SP140L: variants seen among roughly 807,000 people sequenced by gnomAD.
SP140L encodes the protein nuclear body protein SP140-like protein.
SP140L carries 64 observed loss-of-function variants against 84.3 expected under a neutral mutation model. That is an observed-to-expected ratio of 0.76 (90% CI 0.62 to 0.94). The LOEUF (loss-of-function observed/expected upper bound fraction) is 0.94, where lower values mean the gene tolerates loss of function less well. SP140L is among the 40% of genes least tolerant of loss of function. SP140L has a pLI of 0.00. For synonymous variants in SP140L, 242 were observed against 236.9 expected (o/e 1.02, Z -0.20); for missense variants, 628 against 692.5 (o/e 0.91, Z 1.05).
intron 8 of SP140L, 40 bp from the exon 9 acceptor site, chr2:230,385,184 G>A: frequency 6.2e-7 from 1 of 1,604,616 alleles, no homozygotes; most frequent in Non-Finnish European, 8.5e-7. Context: ...CTGTTGTTCT[G>A]CCCAGTTCTA....
chr2:230,379,965 A>G (rs1026467366), intron 7 of SP140L, among the ~76,000 whole-genome samples: 1 of 152,218 alleles, frequency 6.6e-6, no homozygotes, highest in African/African-American at 2.4e-5. Context: ...ACACAGATTC[A>G]CAAATAACAT....
intron 9 of SP140L, 32 bp downstream of exon 9, chr2:230,385,336 C>A: frequency 6.3e-7 from 1 of 1,597,910 alleles, no homozygotes; most frequent in South Asian, 1.1e-5. Context: ...TTTTCATTTG[C>A]CCTGCAGGTC....
chr2:230,355,620 ACTTT>A (rs1214723001), intron 2 of SP140L, among the ~76,000 whole-genome samples: 1 of 152,218 alleles, frequency 6.6e-6, no homozygotes, highest in East Asian at 1.9e-4. Flanking sequence ...TGACTTCAAG[ACTTT>A]CTTTAAGCCA....
At chr2:230,329,557 C>A (rs2059670729) in intron 2 of SP140L, among the ~76,000 whole-genome samples, 1 of 152,240 alleles carries the variant, frequency 6.6e-6, no homozygotes, top group African/African-American at 2.4e-5. Flanking sequence ...GCAGCTTCTC[C>A]CATGCTATTC....
At chr2:230,375,300 T>C (rs1310448831) in intron 7 of SP140L, among the ~76,000 whole-genome samples, 1 of 152,162 alleles carries the variant, frequency 6.6e-6, no homozygotes, top group African/African-American at 2.4e-5. Context: ...TATCCATTCA[T>C]CTGTTGATGG....
At chr2:230,366,371 A>G (rs2060869786) in intron 5 of SP140L, among the ~76,000 whole-genome samples, 1 of 152,084 alleles carries the variant, frequency 6.6e-6, no homozygotes, top group Non-Finnish European at 1.5e-5. Context: ...ATCATTATAT[A>G]ATGATCTTCT....
Position 230,385,302 on chromosome 2 carries a change from G to A in SP140L, c.782G>A (p.Arg261Lys), listed in dbSNP as rs769972767. The A allele has an allele frequency of 6.2e-7, 1 of 1,613,444 alleles. No individual in the cohort carries two copies. Among genetic ancestry groups the A allele is most frequent in the African/African-American group, 1.3e-5 (1 of 74,888 alleles). Residue 261 changes from arginine (R) to lysine (K), a missense_variant and splice_region_variant, in exon 9 of 19, where the codon AGG becomes AAG. Transcript: ENST00000415673. ...NMNLKDLSKI[R>K]GRKRGKPGTH... ...AATCTGAAAGACCTTTCCAAGATTA[G>A]GGGTAAGATAAAGTTGGTACCACTT...
intron 14 of SP140L, among the ~76,000 whole-genome samples, chr2:230,397,755 G>A (rs2062116964): frequency 6.6e-6 from 1 of 152,090 alleles, no homozygotes; most frequent in Non-Finnish European, 1.5e-5. Context: ...CTCCAAAGCA[G>A]TCCTCCAATC....
In SP140L at chr2:230,339,585, G is replaced by T. The variant is rs960344007; in HGVS notation, c.107+10754G>T. Among the ~76,000 whole-genome samples, 280 of 149,550 alleles carry T rather than the reference G, an allele frequency of 1.9e-3. 3 individuals carry two copies. Among genetic ancestry groups the T allele is most frequent in the African/African-American group, 6.6e-3 (269 of 40,526 alleles). Reference sequence around the variant, plus strand: ...CTTTTCTAGTTCTTTCAATTGTGATGTTAGGGTGTCAATTTTGGATCTTTC... The same window carrying T: ...CTTTTCTAGTTCTTTCAATTGTGATTTTAGGGTGTCAATTTTGGATCTTTC... On this transcript the variant is annotated intron_variant, in intron 2 of 18. Transcript: ENST00000415673.
chr2:230,343,246 C>T lies in SP140L; in HGVS notation c.107+14415C>T, dbSNP rs1378278803. 6.8e-5 allele frequency among the ~76,000 whole-genome samples: 10 copies of T among 147,448 alleles called. 1 individual carries two copies. The highest frequency in any genetic ancestry group is 2.2e-4 in the South Asian group (1 of 4,612). On this transcript the variant is annotated intron_variant, in intron 2 of 18. Transcript: ENST00000415673. ...TGATGCTGTCCCTCTCCCTACACCC[C>T]CGACAGGTGCCCAGAGTGTGTTGTT...
intron 8 of SP140L, among the ~76,000 whole-genome samples, chr2:230,384,408 G>C (rs1230637430): frequency 6.6e-6 from 1 of 152,096 alleles, no homozygotes; most frequent in Admixed American, 6.6e-5. Flanking sequence ...CTTTCTCCTA[G>C]TCAATGAAGG....
intron 9 of SP140L, 38 bp from the exon 10 acceptor site, chr2:230,388,521 T>C: frequency 1.3e-6 from 2 of 1,551,696 alleles, no homozygotes; most frequent in Non-Finnish European, 1.8e-6. Context: ...ACACAGCTGC[T>C]CATTTGTAAC....
At chr2:230,395,955 G>T (rs747919817) in intron 13 of SP140L, among the ~76,000 whole-genome samples, 6 of 152,208 alleles carry the variant, frequency 3.9e-5, no homozygotes, top group Non-Finnish European at 7.3e-5. Flanking sequence ...TATCACCAGG[G>T]CTGTGTCCCT....
chr2:230,383,032 T>C (rs2061458607), intron 7 of SP140L, among the ~76,000 whole-genome samples: 1 of 152,214 alleles, frequency 6.6e-6, no homozygotes, highest in Non-Finnish European at 1.5e-5. Flanking sequence ...TATTACTTAA[T>C]GAAATTATAT....
intron 1 of SP140L, 68 bp downstream of exon 1, chr2:230,327,369 C>A: frequency 6.5e-7 from 1 of 1,546,900 alleles, no homozygotes; most frequent in South Asian, 1.2e-5. Flanking sequence ...GCCTGTAGTT[C>A]AGTTTCTGTC....
chr2:230,384,670 T>C (rs2061514366), intron 8 of SP140L, among the ~76,000 whole-genome samples: 1 of 152,214 alleles, frequency 6.6e-6, no homozygotes, highest in Non-Finnish European at 1.5e-5. Context: ...CCCAACACTT[T>C]GGGAGGCTGA....
At chr2:230,385,792 C>G (rs1329887150) in intron 9 of SP140L, among the ~76,000 whole-genome samples, 1 of 152,188 alleles carries the variant, frequency 6.6e-6, no homozygotes, top group Non-Finnish European at 1.5e-5. Context: ...AAAGCACCTT[C>G]CCTCCTTCAG....
intron 14 of SP140L, 90 bp downstream of exon 14, chr2:230,396,888 C>T: frequency 1.3e-6 from 2 of 1,491,064 alleles, no homozygotes; most frequent in South Asian, 1.2e-5. Flanking sequence ...TTGCCTGAAG[C>T]ATGTTCAGTC....
At chr2:230,381,044 A>G (rs1056001870) in intron 7 of SP140L, among the ~76,000 whole-genome samples, 1 of 152,176 alleles carries the variant, frequency 6.6e-6, no homozygotes, top group East Asian at 1.9e-4. Context: ...AAGACCCAAG[A>G]AAAGGATGGT....
Sources: gnomAD v4.1 joint callset for allele counts (sites outside exome capture counted in the v4.1 genomes callset) on GRCh38, gnomAD v4.1.1 for gene constraint, MANE v1.5 for transcripts, NCBI Gene and HGNC (gene_info 2026-07-23, HGNC 2026-07-21) for gene names.